The following TMEM178B variants were observed in gnomAD, a reference collection of about 807,000 sequenced individuals.
TMEM178B encodes transmembrane protein 178B.
Under a neutral mutation model 31.0 loss-of-function variants are expected in TMEM178B, and 5 were observed. The observed-to-expected ratio is 0.16, with a 90% CI of 0.08 to 0.34. TMEM178B has a LOEUF of 0.34. Among genes scored for constraint, TMEM178B ranks in the 10% least tolerant of loss-of-function variants. The pLI, the probability that TMEM178B is intolerant of heterozygous loss-of-function variation, is 1.00. For synonymous variants in TMEM178B, 164 were observed against 164.0 expected (o/e 1.00, Z 0.00); for missense variants, 275 against 400.3 (o/e 0.69, Z 2.67).
the TMEM178B span, among the ~76,000 whole-genome samples, chr7:141,487,676 G>A: frequency 6.8e-6 from 1 of 148,134 alleles, no homozygotes; most frequent in African/African-American, 2.5e-5. Context: ...GGGAGGCAGA[G>A]GTTGCAGTGA....
chr7:141,189,243 G>A (rs865929418), intron 1 of TMEM178B, among the ~76,000 whole-genome samples: 4 of 152,274 alleles, frequency 2.6e-5, no homozygotes, highest in African/African-American at 7.2e-5. Context: ...CAAGAGCAAA[G>A]CTCTAATGGA....
At chr7:141,203,477 A>G (rs1440870124) in intron 1 of TMEM178B, among the ~76,000 whole-genome samples, 1 of 152,220 alleles carries the variant, frequency 6.6e-6, no homozygotes, top group Non-Finnish European at 1.5e-5. Context: ...TAGGACATGG[A>G]CGATGTCCCT....
intron 2 of TMEM178B, among the ~76,000 whole-genome samples, chr7:141,239,454 C>T (rs1367898238): frequency 9.2e-5 from 14 of 152,120 alleles, no homozygotes; most frequent in Non-Finnish European, 1.2e-4. Context: ...TTCGTACCCT[C>T]CACTGACCCA....
intron 1 of TMEM178B, among the ~76,000 whole-genome samples, chr7:141,156,494 G>A (rs547224912): frequency 6.0e-4 from 92 of 152,262 alleles, no homozygotes; most frequent in Admixed American, 1.3e-3. Context: ...AATGAAAAAC[G>A]TCAGCCACAT....
chr7:141,213,878 G>A (rs188846386), intron 2 of TMEM178B, among the ~76,000 whole-genome samples: 41 of 152,334 alleles, frequency 2.7e-4, no homozygotes, highest in African/African-American at 9.1e-4. Flanking sequence ...TGAAATGATA[G>A]AGCAGGTGCC....
chr7:141,130,368 G>A (rs889045532), intron 1 of TMEM178B, among the ~76,000 whole-genome samples: 26 of 152,222 alleles, frequency 1.7e-4, no homozygotes, highest in Non-Finnish European at 2.9e-4. Context: ...CCTTAGATAG[G>A]AATTTGGGCA....
chr7:141,214,579 G>T (rs1797101449), intron 2 of TMEM178B, among the ~76,000 whole-genome samples: 1 of 152,214 alleles, frequency 6.6e-6, no homozygotes, highest in South Asian at 2.1e-4. Flanking sequence ...AGGGAAACCT[G>T]GTAGAACTCT....
chr7:141,120,797 A>C (rs1255490956), intron 1 of TMEM178B, among the ~76,000 whole-genome samples: 1 of 149,194 alleles, frequency 6.7e-6, no homozygotes, highest in East Asian at 2.0e-4. Flanking sequence ...CTCTACAAAA[A>C]ATAAAAATAA....
At chr7:141,168,364 G>C (rs1049873308) in intron 1 of TMEM178B, among the ~76,000 whole-genome samples, 2 of 152,188 alleles carry the variant, frequency 1.3e-5, no homozygotes, top group African/African-American at 4.8e-5. Context: ...TGGAGAATGG[G>C]AACCAAGGCT....
intron 1 of TMEM178B, among the ~76,000 whole-genome samples, chr7:141,095,796 G>A (rs557998662): frequency 5.3e-5 from 8 of 152,310 alleles, no homozygotes; most frequent in African/African-American, 1.9e-4. Context: ...GGCTAATAAA[G>A]AGTGGAAGCA....
intron 2 of TMEM178B, among the ~76,000 whole-genome samples, chr7:141,363,104 G>A (rs758863908): frequency 3.9e-5 from 6 of 152,136 alleles, no homozygotes; most frequent in African/African-American, 7.2e-5. Flanking sequence ...AAAAATCATC[G>A]GAAAAGTCCC....
chr7:141,454,371 C>T (rs977003222), intron 3 of TMEM178B, among the ~76,000 whole-genome samples: 2 of 152,096 alleles, frequency 1.3e-5, no homozygotes, highest in Admixed American at 1.3e-4. Flanking sequence ...TGACTGCCTT[C>T]TCTGATGGTG....
chr7:141,214,403 G>T (rs1370053292), intron 2 of TMEM178B, among the ~76,000 whole-genome samples: 2 of 152,216 alleles, frequency 1.3e-5, no homozygotes, highest in South Asian at 2.1e-4. Flanking sequence ...CTCTAGTTCA[G>T]GGGTGGAGGA....
chr7:141,269,355 T>C (rs1302903128), intron 2 of TMEM178B, among the ~76,000 whole-genome samples: 3 of 152,154 alleles, frequency 2.0e-5, no homozygotes, highest in Non-Finnish European at 4.4e-5. Context: ...CCTCCCAAAG[T>C]GCTTTCTGGG....
At chr7:141,144,896 G>T (rs1306044513) in intron 1 of TMEM178B, among the ~76,000 whole-genome samples, 1 of 152,128 alleles carries the variant, frequency 6.6e-6, no homozygotes, top group Admixed American at 6.5e-5. Flanking sequence ...CCAGGCTCAG[G>T]GTGGCTGAGG....
the TMEM178B span, among the ~76,000 whole-genome samples, chr7:141,507,688 C>T: frequency 4.6e-5 from 7 of 152,328 alleles, 1 homozygote; most frequent in African/African-American, 1.7e-4. Context: ...CAATTATTGA[C>T]TTCTGTGCAC....
chr7:141,168,789 AG>A (rs1415437712), intron 1 of TMEM178B, among the ~76,000 whole-genome samples: 3 of 152,178 alleles, frequency 2.0e-5, no homozygotes, highest in Non-Finnish European at 4.4e-5. Flanking sequence ...AAGAAAAAAA[AG>A]AAGATGATTC....
At chr7:141,289,352 C>T (rs1014939404) in intron 2 of TMEM178B, among the ~76,000 whole-genome samples, 8 of 152,256 alleles carry the variant, frequency 5.3e-5, no homozygotes, top group African/African-American at 1.9e-4. Flanking sequence ...GTGCTCAGTT[C>T]GGTGCCTGGC....
chr7:141,468,652 G>A (rs946398779), intron 3 of TMEM178B, among the ~76,000 whole-genome samples: 1 of 152,228 alleles, frequency 6.6e-6, no homozygotes, highest in Non-Finnish European at 1.5e-5. Context: ...TAGTGAGGCA[G>A]TGTCACTGTC....
Sources: gnomAD v4.1 joint callset for allele counts (sites outside exome capture counted in the v4.1 genomes callset) on GRCh38, gnomAD v4.1.1 for gene constraint, MANE v1.5 for transcripts, NCBI Gene and HGNC (gene_info 2026-07-23, HGNC 2026-07-21) for gene names.